Variants in ITGA1 observed in about 807,000 individuals in gnomAD.
ITGA1 encodes the protein integrin subunit alpha 1, also known as integrin alpha-1.
In ITGA1, 85 loss-of-function variants were observed where a neutral mutation model predicts 145.9. The ratio of observed to expected loss-of-function variants is 0.58; its 90% CI spans 0.49 to 0.70. The LOEUF (loss-of-function observed/expected upper bound fraction) is 0.70. Among genes scored for constraint, ITGA1 ranks in the 30% least tolerant of loss-of-function variants. The pLI is 0.00. For synonymous variants in ITGA1, 520 were observed against 495.3 expected (o/e 1.05, Z -0.66); for missense variants, 1,351 against 1,418.7 (o/e 0.95, Z 0.77).
At chr5:52,808,422 T>C (rs887066419) in intron 1 of ITGA1, among the ~76,000 whole-genome samples, 1 of 152,198 alleles carries the variant, frequency 6.6e-6, no homozygotes, top group South Asian at 2.1e-4. Context: ...TATTCAGAGA[T>C]AGGAGGTCCT....
In ITGA1 at chr5:52,893,591, G is replaced by A. The variant is rs1242875032; in HGVS notation, c.925-84G>A. 4 of 1,278,248 alleles carry A rather than the reference G, an allele frequency of 3.1e-6. No individual in the cohort carries two copies. In the Admixed American group the frequency reaches 8.0e-5, roughly 26 times the overall value. The allele number at this position is 1,278,248 out of a possible 1,614,324, so 79.2% of individuals were successfully genotyped here. ...CCATTATGCTAAGGTACTCTACACT[G>A]TTGTTTACTGACAAAATGCTTGAGA... On this transcript the variant is annotated intron_variant, in intron 8 of 28. Coordinates refer to ENST00000282588, the MANE Select transcript of ITGA1 (RefSeq NM_181501.2).
In ITGA1 at chr5:52,865,079, C is replaced by G. The variant is rs1268882055; in HGVS notation, c.493C>G (p.Gln165Glu). 2 of 1,604,716 alleles carry G rather than the reference C, an allele frequency of 1.2e-6. No homozygotes were observed. Among genetic ancestry groups the G allele is most frequent in the Non-Finnish European group, 1.7e-6 (2 of 1,172,348 alleles). The change falls in exon 5 of 29, where the codon CAA (glutamine) becomes GAA (glutamate). Residue 165 changes from glutamine (Q) to glutamate (E), a missense_variant. Gln to Glu is a conservative substitution (Grantham distance 29, BLOSUM62 2). Coordinates refer to ENST00000282588, the MANE Select transcript of ITGA1 (RefSeq NM_181501.2). ...FQVVNSIAPV[Q>E]ECSTQLDIVI... ...AGTCGTGAATTCCATTGCCCCTGTA[C>G]AAGGTACAGATTTTATGCAATGTTC...
At chr5:52,821,456 C>G (rs1748877854) in intron 1 of ITGA1, among the ~76,000 whole-genome samples, 1 of 152,108 alleles carries the variant, frequency 6.6e-6, no homozygotes, top group African/African-American at 2.4e-5. Flanking sequence ...AGGAAATTTG[C>G]TCATACAGAA....
chr5:52,888,029 G>C, intron 8 of ITGA1, 64 bp downstream of exon 8: 10 of 1,487,830 alleles, frequency 6.7e-6, no homozygotes, highest in Non-Finnish European at 9.1e-6. Context: ...GTGCATATTG[G>C]GTAATTTTAT....
intron 5 of ITGA1, 111 bp downstream of exon 5, chr5:52,865,193 G>A: frequency 1.4e-6 from 1 of 722,534 alleles, no homozygotes; most frequent in Non-Finnish European, 2.2e-6. Flanking sequence ...TTAGCTACCA[G>A]CATTACCAAT....
intron 1 of ITGA1, among the ~76,000 whole-genome samples, chr5:52,795,489 C>G (rs1748323107): frequency 6.6e-6 from 1 of 151,820 alleles, no homozygotes; most frequent in African/African-American, 2.4e-5. Context: ...TCATGTCATA[C>G]AAACCATTTC....
intron 1 of ITGA1, among the ~76,000 whole-genome samples, chr5:52,847,443 T>C (rs1473724609): frequency 6.6e-6 from 1 of 152,222 alleles, no homozygotes; most frequent in African/African-American, 2.4e-5. Flanking sequence ...AGGATCTATG[T>C]GGCTATATGG....
At position 52,911,963 on chromosome 5, in the gene ITGA1, GTGTATCTAC is replaced by G. The variant is rs1561246696; in HGVS notation, c.1857+1546_1857+1554del. On this transcript the variant is annotated intron_variant, in intron 14 of 28. Transcript: ENST00000282588. The stretch of plus-strand genomic sequence containing the variant: ...ATATATACTATATATACTATATATA[GTGTATCTAC>G]TATATATACTATATGTATAGTGTGT... 3.3e-4 allele frequency among the ~76,000 whole-genome samples: 27 copies of G among 81,780 alleles called. 1 individual carries two copies. Among genetic ancestry groups the G allele is most frequent in the Non-Finnish European group, 1.3e-4 (5 of 38,496 alleles). The allele number at this position is 81,780 out of a possible 152,430, so 53.7% of individuals were successfully genotyped here.
intron 11 of ITGA1, among the ~76,000 whole-genome samples, chr5:52,900,827 C>T (rs1750301578): frequency 6.6e-6 from 1 of 152,062 alleles, no homozygotes; most frequent in East Asian, 1.9e-4. Context: ...TAAGTAATGA[C>T]TATATTTAGT....
intron 20 of ITGA1, 118 bp downstream of exon 20, chr5:52,927,782 T>C (rs2111883289): frequency 2.9e-6 from 2 of 682,520 alleles, no homozygotes; most frequent in Middle Eastern, 3.9e-4. Context: ...AAATGTTCAG[T>C]TCAAAATTGT....
At chr5:52,948,976 A>G (rs1751176868) in intron 28 of ITGA1, 1 of 152,192 alleles carries the variant, frequency 6.6e-6, no homozygotes, top group South Asian at 2.1e-4. Flanking sequence ...AAAAGCATAA[A>G]TGTAAAACTA....
intron 8 of ITGA1, among the ~76,000 whole-genome samples, chr5:52,888,229 A>G (rs1750085647): frequency 6.6e-6 from 1 of 152,042 alleles, no homozygotes; most frequent in Admixed American, 6.6e-5. Context: ...TGAAAAGAGG[A>G]AGAAGGAAGC....
chr5:52,823,306 G>A (rs1381955889), intron 1 of ITGA1, among the ~76,000 whole-genome samples: 1 of 152,202 alleles, frequency 6.6e-6, no homozygotes, highest in African/African-American at 2.4e-5. Flanking sequence ...CCGGGTTCAA[G>A]CAATTCTCCT....
At chr5:52,880,170 C>T (rs946261814) in intron 6 of ITGA1, among the ~76,000 whole-genome samples, 6 of 152,114 alleles carry the variant, frequency 3.9e-5, no homozygotes, top group African/African-American at 1.4e-4. Context: ...ATTGAAAGAG[C>T]CCTTGGATAA....
chr5:52,864,948 A>C (rs1749660470), intron 4 of ITGA1, 23 bp from the exon 5 acceptor site: 1 of 1,590,528 alleles, frequency 6.3e-7, no homozygotes, highest in Non-Finnish European at 8.6e-7. Flanking sequence ...AATGATTTCT[A>C]ATTTTAAAAC....
intron 1 of ITGA1, among the ~76,000 whole-genome samples, chr5:52,792,741 C>T (rs1046544231): frequency 6.6e-6 from 1 of 152,102 alleles, no homozygotes; most frequent in Admixed American, 6.5e-5. Flanking sequence ...CTATTCTTTA[C>T]CTACACTTCT....
At position 52,911,481 on chromosome 5, in the gene ITGA1, C is replaced by CTA. The variant is rs576339075; in HGVS notation, c.1857+1069_1857+1070dup. Among the ~76,000 whole-genome samples the CTA allele has an allele frequency of 1.7e-3, 200 of 121,044 alleles. 3 individuals carry two copies. Among genetic ancestry groups the CTA allele is most frequent in the Admixed American group, 3.7e-3 (37 of 10,090 alleles). The allele number at this position is 121,044 out of a possible 152,430, so 79.4% of individuals were successfully genotyped here. A position where few individuals can be genotyped will look rare whatever the true frequency, so the allele number is the denominator to read the frequency against. On this transcript the variant is annotated intron_variant, in intron 14 of 28. Transcript: ENST00000282588. The stretch of plus-strand genomic sequence containing the variant: ...ATAGTGTATCTAGTATATAGATACA[C>CTA]TATATATAGTATATATAGTAGATAC...
chr5:52,840,970 A>G (rs991833822), intron 1 of ITGA1, among the ~76,000 whole-genome samples: 5 of 152,200 alleles, frequency 3.3e-5, no homozygotes, highest in African/African-American at 1.2e-4. Context: ...TTCAAATACC[A>G]TTTGTAATAA....
At chr5:52,893,375 A>G (rs1281145364) in intron 8 of ITGA1, among the ~76,000 whole-genome samples, 1 of 152,220 alleles carries the variant, frequency 6.6e-6, no homozygotes, top group Non-Finnish European at 1.5e-5. Flanking sequence ...TTACTTTTGA[A>G]CTGTCAGATT....
Sources: allele counts gnomAD v4.1 joint callset (sites outside exome capture counted in the v4.1 genomes callset), GRCh38; gene constraint gnomAD v4.1.1; transcripts MANE v1.5; gene names NCBI Gene and HGNC (gene_info 2026-07-23, HGNC 2026-07-21).